The following WDFY4 variants were observed in gnomAD, a reference collection of about 807,000 sequenced individuals.
WDFY4 encodes the protein WDFY family member 4.
A neutral mutation model predicts 351.9 loss-of-function variants in WDFY4; 169 were observed. The observed-to-expected ratio is 0.48, with a 90% CI of 0.42 to 0.55. The LOEUF is 0.55. Ranked by LOEUF, WDFY4 falls within the 20% of genes least tolerant of loss-of-function variation. The pLI is 0.00. For missense variants in WDFY4, 3,803 were observed against 3,935.6 expected (o/e 0.97, Z 0.90); for synonymous variants, 1,622 against 1,574.6 (o/e 1.03, Z -0.71).
At chr10:48,902,982 T>C (rs1589840639) in intron 47 of WDFY4, among the ~76,000 whole-genome samples, 1 of 151,972 alleles carries the variant, frequency 6.6e-6, no homozygotes, top group South Asian at 2.1e-4. Context: ...TGATGGCAGG[T>C]GCCTGTAATC....
chr10:48,938,954 C>T (rs554842587), intron 47 of WDFY4, among the ~76,000 whole-genome samples: 21 of 152,270 alleles, frequency 1.4e-4, no homozygotes, highest in Admixed American at 7.8e-4. Flanking sequence ...GCCGGGTAAC[C>T]GCCACAATCC....
intron 41 of WDFY4, among the ~76,000 whole-genome samples, 160 bp downstream of exon 41, chr10:48,873,857 A>T (rs563212011): frequency 1.3e-5 from 2 of 152,334 alleles, no homozygotes; most frequent in East Asian, 3.9e-4. Flanking sequence ...GCCATTTAAG[A>T]GGAGAAAAGC....
chr10:48,753,531 A>G (rs916845393), intron 12 of WDFY4, among the ~76,000 whole-genome samples: 1 of 152,180 alleles, frequency 6.6e-6, no homozygotes. Context: ...ATTTTGAGTT[A>G]ATTTTTGCAT....
intron 47 of WDFY4, among the ~76,000 whole-genome samples, chr10:48,922,977 T>G (rs1009176261): frequency 3.3e-5 from 5 of 152,170 alleles, no homozygotes; most frequent in African/African-American, 1.2e-4. Context: ...GTTACATGAA[T>G]CTGTACATCT....
intron 20 of WDFY4, among the ~76,000 whole-genome samples, chr10:48,787,893 C>CTTCTTCTTCTT (rs2066496734): frequency 2.1e-5 from 1 of 48,110 alleles, no homozygotes; most frequent in South Asian, 7.4e-4. Context: ...TTCTTCTTCT[C>CTTCTTCTTCTT]CTTCTTCTTC....
At chr10:48,709,999 A>G in intron 2 of WDFY4, 33 bp downstream of exon 2, 1 of 1,519,680 alleles carries the variant, frequency 6.6e-7, no homozygotes, top group African/African-American at 1.4e-5. Context: ...CTGTAAGGTG[A>G]TAGGCGCTCT....
At chr10:48,687,218 T>C (rs535972081) in intron 1 of WDFY4, among the ~76,000 whole-genome samples, 31 of 152,340 alleles carry the variant, frequency 2.0e-4, no homozygotes, top group African/African-American at 7.2e-4. Flanking sequence ...TTTTATCCTA[T>C]TGATTTGCCA....
intron 46 of WDFY4, among the ~76,000 whole-genome samples, chr10:48,900,906 A>G (rs1372890896): frequency 6.6e-6 from 1 of 152,230 alleles, no homozygotes; most frequent in Non-Finnish European, 1.5e-5. Flanking sequence ...TCTAGAAAGA[A>G]CAGAAAGGAA....
At chr10:48,952,659 C>T (rs1341586613) in intron 51 of WDFY4, among the ~76,000 whole-genome samples, 2 of 152,110 alleles carry the variant, frequency 1.3e-5, no homozygotes, top group Non-Finnish European at 2.9e-5. Context: ...GTGTCCCCTA[C>T]GTGCCCACCC....
intron 50 of WDFY4, 122 bp from the exon 51 acceptor site, chr10:48,946,737 CA>C (rs1484881384): frequency 1.4e-6 from 1 of 728,944 alleles, no homozygotes; most frequent in Admixed American, 2.5e-5. Context: ...TAGGTCTGTT[CA>C]CTTCCTAAAC....
rs1313916772 is a variant in WDFY4, at chr10:48,967,630, C to T, written c.8584+957C>T. 3 of 152,236 alleles carry T rather than the reference C, an allele frequency of 2.0e-5. No homozygotes were observed. The East Asian group carries it at 5.8e-4, about 29-fold the overall frequency. The allele number at this position is 152,236 out of a possible 1,614,324, so 9.4% of individuals were successfully genotyped here. On this transcript the variant is annotated intron_variant, in intron 55 of 61. Transcript: ENST00000325239. ...GGAGTCCACTGGGGTGGGGGTGGTT[C>T]CACTGGGGTGGGGGTGGTCCCAACC... is the stretch of plus-strand genomic sequence containing the variant.
At chr10:48,977,495 A>C (rs1451171069) in intron 59 of WDFY4, among the ~76,000 whole-genome samples, 1 of 151,978 alleles carries the variant, frequency 6.6e-6, no homozygotes, top group African/African-American at 2.4e-5. Context: ...CCATCCATCC[A>C]TCCATCCATG....
chr10:48,966,512 C>G lies in WDFY4; in HGVS notation c.8437-14C>G. ...ATCTCTCCCCTCATGTGTGTCTGTTCCCTGTCTCTCTAGCTCTTTACCAAA... is the reference window on the plus strand; with the variant it reads ...ATCTCTCCCCTCATGTGTGTCTGTTGCCTGTCTCTCTAGCTCTTTACCAAA... On this transcript the variant is annotated splice_polypyrimidine_tract_variant and intron_variant, in intron 54 of 61. Transcript: ENST00000325239. 1 of 1,550,840 alleles carries G rather than the reference C, an allele frequency of 6.4e-7. No individual in the cohort carries two copies. Among genetic ancestry groups the G allele is most frequent in the East Asian group, 2.4e-5 (1 of 40,878 alleles).
Position 48,832,609 on chromosome 10 carries a change from T to C in WDFY4, c.6563T>C (p.Val2188Ala), listed in dbSNP as rs1403784755. The C allele has an allele frequency of 3.2e-6, 5 of 1,550,110 alleles. No individual in the cohort carries two copies. The highest frequency in any genetic ancestry group is 4.4e-6 in the Non-Finnish European group (5 of 1,146,078). ...AAGTCACTGGCAAGTCGTTCAAATG[T>C]TGCACACCACAGCAAAGTCACTTTG... ...EKKSLASRSN[V>A]AHHSKVTLWS... The change falls in exon 39 of 62, where the codon GTT (valine) becomes GCT (alanine). Residue 2188 changes from valine (V) to alanine (A), a missense_variant. Transcript: ENST00000325239.
chr10:48,835,507 A>G (rs2068355498), intron 39 of WDFY4, among the ~76,000 whole-genome samples: 1 of 148,144 alleles, frequency 6.8e-6, no homozygotes. Context: ...CAGCCACCCC[A>G]GCTTCCAGGC....
At chr10:48,804,784 T>C in intron 25 of WDFY4, 2 of 979,454 alleles carry the variant, frequency 2.0e-6, no homozygotes, top group Non-Finnish European at 1.2e-6. Flanking sequence ...GGAGGGGGTA[T>C]GGATAGGTGG....
intron 25 of WDFY4, 87 bp from the exon 26 acceptor site, chr10:48,805,173 T>C (rs2067211182): frequency 6.9e-7 from 1 of 1,449,672 alleles, no homozygotes; most frequent in African/African-American, 1.4e-5. Context: ...GGAACAAGCC[T>C]GGCTTGAAAA....
At chr10:48,704,417 G>C (rs2063566612) in intron 1 of WDFY4, among the ~76,000 whole-genome samples, 1 of 152,136 alleles carries the variant, frequency 6.6e-6, no homozygotes, top group Admixed American at 6.5e-5. Context: ...ACCCATCCAA[G>C]CTGGGACACA....
intron 47 of WDFY4, among the ~76,000 whole-genome samples, chr10:48,904,822 G>A (rs1032134282): frequency 6.6e-6 from 1 of 152,198 alleles, no homozygotes; most frequent in African/African-American, 2.4e-5. Context: ...AGCTTCTGGG[G>A]ATAGGGTCAG....
Sources: allele counts gnomAD v4.1 joint callset (sites outside exome capture counted in the v4.1 genomes callset), GRCh38; gene constraint gnomAD v4.1.1; transcripts MANE v1.5; gene names NCBI Gene and HGNC (gene_info 2026-07-23, HGNC 2026-07-21).